The following SRRT variants were observed in gnomAD, a reference collection of about 807,000 sequenced individuals.
SRRT encodes serrate, RNA effector molecule.
Under a neutral mutation model 103.2 loss-of-function variants are expected in SRRT, and 32 were observed. The observed-to-expected ratio is 0.31, with a 90% CI of 0.23 to 0.42. SRRT has a LOEUF of 0.42. Ranked by LOEUF, SRRT falls within the 10% of genes least tolerant of loss-of-function variation. SRRT has a pLI of 1.00. For synonymous variants in SRRT, 525 were observed against 449.0 expected (o/e 1.17, Z -2.14); for missense variants, 986 against 1,207.5 (o/e 0.82, Z 2.72).
In SRRT at chr7:100,888,611, C is replaced by T; in HGVS notation, c.*62C>T. 1.2e-6 allele frequency: 2 copies of T among 1,606,500 alleles called. No homozygotes were observed. Among genetic ancestry groups the T allele is most frequent in the Non-Finnish European group, 1.7e-6 (2 of 1,173,218 alleles). On this transcript the variant is annotated 3_prime_UTR_variant, in exon 20 of 20. Transcript: ENST00000611405. Reference sequence around the variant, plus strand: ...TTGTACTACCTTGTCCTATGAAGCTCTGAGAATTTTTTGTACGATCAGCCT... The same window carrying T: ...TTGTACTACCTTGTCCTATGAAGCTTTGAGAATTTTTTGTACGATCAGCCT...
At chr7:100,877,439 A>G (rs1202115475) in intron 2 of SRRT, among the ~76,000 whole-genome samples, 1 of 143,346 alleles carries the variant, frequency 7.0e-6, no homozygotes, top group African/African-American at 2.5e-5. Flanking sequence ...AAAAAAAAAA[A>G]AAGCCACTTC....
chr7:100,876,805 G>T (rs963776377), intron 2 of SRRT, among the ~76,000 whole-genome samples: 7 of 152,176 alleles, frequency 4.6e-5, no homozygotes, highest in Admixed American at 6.5e-5. Context: ...TAAAGGAGGG[G>T]AGCGGTGCTG....
In SRRT at chr7:100,882,926, T is replaced by G. The variant is rs1464617468; in HGVS notation, c.587+685T>G. 2 of 152,286 alleles carry G rather than the reference T, an allele frequency of 1.3e-5. No individual in the cohort carries two copies. The highest frequency in any genetic ancestry group is 3.9e-4 in the East Asian group (2 of 5,182). 9.4% of individuals were successfully genotyped at this position (152,286 alleles called of 1,614,324 possible). On this transcript the variant is annotated intron_variant, in intron 5 of 19. Coordinates refer to ENST00000611405, the MANE Select transcript of SRRT (RefSeq NM_015908.6). The surrounding 1 kb of genome is among the most constrained non-coding windows in gnomAD (Gnocchi z 4.2). ...GCTGTGCACAATGCAGCGGTTTAGC[T>G]GAATGTGATTGCTCAGGCAGCTAGC...
intron 5 of SRRT, chr7:100,883,070 CTGTT>C (rs1339610086): frequency 6.6e-6 from 1 of 152,318 alleles, no homozygotes; most frequent in African/African-American, 2.4e-5. Flanking sequence ...ATCTTGAGCT[CTGTT>C]TGACCAAGCG....
In SRRT at chr7:100,887,363, G is replaced by C; in HGVS notation, c.2019G>C (p.Leu673Phe). Residue 673 changes from leucine (L) to phenylalanine (F), a missense_variant, in exon 16 of 20, where the codon TTG (leucine) becomes TTC (phenylalanine). Around this residue, in one of 6 missense-constraint regions of SRRT, gnomAD observed 349 missense variants for 446.9 expected, o/e 0.78. Transcript: ENST00000611405. This position sits in a 1 kb window ranked among gnomAD's most constrained non-coding sequence, Gnocchi z 4.1. ...QKTFEEKLTPLLSVRESLSEE... is the reference protein window; with the variant it reads ...QKTFEEKLTPFLSVRESLSEE... ...CTTTTGAGGAGAAGCTCACGCCGTT[G>C]CTGAGTGTGCGGGAGTCACTCTCAG... 6.2e-7 allele frequency: 1 copy of C among 1,614,220 alleles called. No homozygotes were observed. The highest frequency in any genetic ancestry group is 8.5e-7 in the Non-Finnish European group (1 of 1,180,044).
chr7:100,888,511 C>T lies in SRRT; in HGVS notation c.2593C>T (p.Arg865Trp), dbSNP rs775479161. 20 of 1,614,074 alleles carry T rather than the reference C, an allele frequency of 1.2e-5. No homozygotes were observed. Among genetic ancestry groups the T allele is most frequent in the East Asian group, 4.5e-5 (2 of 44,894 alleles). ...AGACCCAAGGGCCATTGTGGAATATCGGGACCTGGATGCCCCAGACGATGT... is the reference window on the plus strand; with the variant it reads ...AGACCCAAGGGCCATTGTGGAATATTGGGACCTGGATGCCCCAGACGATGT... ...RGDPRAIVEY[R>W]DLDAPDDVDF... is the part of the protein sequence containing the mutation. The change falls in exon 20 of 20, where the codon CGG becomes TGG. Residue 865 changes from arginine to tryptophan, a missense_variant. By Grantham distance (101) the Arg-to-Trp change is moderately radical (BLOSUM62 -3). This residue lies in a region of SRRT where 178 missense variants were observed against 189.6 expected (regional missense o/e 0.94). Coordinates refer to ENST00000611405, the MANE Select transcript of SRRT (RefSeq NM_015908.6).
Position 100,888,107 on chromosome 7 carries a change from T to C in SRRT, c.2392T>C (p.Tyr798His), listed in dbSNP as rs1459420481. Reference protein sequence around the residue: ...PHQTPQGLMPYGQPRPPILGY... With the variant: ...PHQTPQGLMPHGQPRPPILGY... Reference sequence around the variant, plus strand: ...CCAGACTCCCCAGGGCCTGATGCCCTATGGTCAGCCCCGGCCCCCGATCTT... The same window carrying C: ...CCAGACTCCCCAGGGCCTGATGCCCCATGGTCAGCCCCGGCCCCCGATCTT... The change falls in exon 18 of 20, where the codon TAT becomes CAT. Residue 798 changes from tyrosine (Y) to histidine (H), a missense_variant. Around this residue, in one of 6 missense-constraint regions of SRRT, gnomAD observed 178 missense variants for 189.6 expected, o/e 0.94. Coordinates refer to ENST00000611405, the MANE Select transcript of SRRT (RefSeq NM_015908.6). 6.2e-7 allele frequency: 1 copy of C among 1,609,838 alleles called. No homozygotes were observed. Among genetic ancestry groups the C allele is most frequent in the Non-Finnish European group, 8.5e-7 (1 of 1,178,136 alleles).
In SRRT at chr7:100,885,009, C is replaced by A. The variant is rs138346691; in HGVS notation, c.1128C>A (p.Ser376Arg). 1.9e-6 allele frequency: 3 copies of A among 1,613,878 alleles called. No individual in the cohort carries two copies. Among genetic ancestry groups the A allele is most frequent in the Non-Finnish European group, 2.5e-6 (3 of 1,179,966 alleles). Reference protein sequence around the residue: ...SVSESESESESGQAEEEKEEA... With the variant: ...SVSESESESERGQAEEEKEEA... The stretch of plus-strand genomic sequence containing the variant: ...CAGAGTCTGAGTCGGAGTCAGAGAG[C>A]GGCCAGGCTGAGGAGGAGAAGGAGG... Residue 376 changes from serine (S) to arginine (R), a missense_variant, in exon 9 of 20, where the codon AGC (serine) becomes AGA (arginine). Ser to Arg is a moderately radical substitution (Grantham distance 110, BLOSUM62 -1). Coordinates refer to ENST00000611405, the MANE Select transcript of SRRT (RefSeq NM_015908.6). This position sits in a 1 kb window ranked among gnomAD's most constrained non-coding sequence, Gnocchi z 4.8.
At chr7:100,880,649 C>T (rs925782258) in intron 2 of SRRT, 1 of 400,128 alleles carries the variant, frequency 2.5e-6, no homozygotes, top group Non-Finnish European at 5.0e-6. Context: ...GGGTGATGGA[C>T]TTCTAGTAGG....
chr7:100,882,514 A>G lies in SRRT; in HGVS notation c.587+273A>G. On this transcript the variant is annotated intron_variant, in intron 5 of 19. Coordinates refer to ENST00000611405, the MANE Select transcript of SRRT (RefSeq NM_015908.6). The surrounding 1 kb of genome is among the most constrained non-coding windows in gnomAD (Gnocchi z 4.2). ...GCCACTTGGCCCCTTGGGGCAGCAG[A>G]CAGACTGCTTCCCACTTGTTGGTGT... The G allele has an allele frequency of 2.8e-6, 1 of 363,326 alleles. No individual in the cohort carries two copies. The highest frequency in any genetic ancestry group is 5.0e-6 in the Non-Finnish European group (1 of 198,572). 22.5% of individuals were successfully genotyped at this position (363,326 alleles called of 1,614,324 possible).
At chr7:100,881,133 G>A (rs1816268043) in intron 2 of SRRT, 152 bp from the exon 3 acceptor site, 15 of 735,484 alleles carry the variant, frequency 2.0e-5, no homozygotes, top group Non-Finnish European at 3.2e-5. Flanking sequence ...TTGTAGGGAT[G>A]GCGGGGGGCG....
rs756497699 is a variant in SRRT at position 100,884,499 on chromosome 7, G to A, written c.889G>A (p.Asp297Asn). 6.2e-7 allele frequency: 1 copy of A among 1,613,504 alleles called. No homozygotes were observed. The highest frequency in any genetic ancestry group is 8.5e-7 in the Non-Finnish European group (1 of 1,179,758). The change falls in exon 7 of 20, where the codon GAC becomes AAC. Residue 297 changes from aspartate (D) to asparagine (N), a missense_variant. Asp to Asn is a conservative substitution (Grantham distance 23, BLOSUM62 1). Around this residue, in one of 6 missense-constraint regions of SRRT, gnomAD observed 166 missense variants for 148.6 expected, o/e 1.12. Coordinates refer to ENST00000611405, the MANE Select transcript of SRRT (RefSeq NM_015908.6). ...AGGACGGGCTGGAGCAGGCCTAGGG[G>A]ACGGGGAGCGCAAAACCAACGACAA... ...EEGRAGAGLG[D>N]GERKTNDKDE...
Position 100,887,036 on chromosome 7 carries a change from A to T in SRRT, c.1822-11A>T. On this transcript the variant is annotated splice_polypyrimidine_tract_variant and intron_variant, in intron 14 of 19. Coordinates refer to ENST00000611405, the MANE Select transcript of SRRT (RefSeq NM_015908.6). The surrounding 1 kb of genome is among the most constrained non-coding windows in gnomAD (Gnocchi z 4.1). ...GGGCAGGAGCTGAACGCTCGCATTC[A>T]CTTCCCTTAGGTCTTGGACAAGCTC... is the stretch of plus-strand genomic sequence containing the variant. 6.2e-7 allele frequency: 1 copy of T among 1,613,526 alleles called. No homozygotes were observed. The highest frequency in any genetic ancestry group is 1.1e-5 in the South Asian group (1 of 91,074).
In SRRT at chr7:100,882,224, G is replaced by A. The variant is rs144725595; in HGVS notation, c.570G>A (p.Ala190=). 1.1e-5 allele frequency: 17 copies of A among 1,614,066 alleles called. No homozygotes were observed. The highest frequency in any genetic ancestry group is 4.0e-5 in the African/African-American group (3 of 75,038). ...RRQQMQDFFL[A]HKDEEWFRSK... is the part of the protein sequence containing the mutation. Reference sequence around the variant, plus strand: ...AACAGATGCAGGATTTCTTCCTGGCGCACAAAGATGAGGAGTGGTGAGTGC... The same window carrying A: ...AACAGATGCAGGATTTCTTCCTGGCACACAAAGATGAGGAGTGGTGAGTGC... Residue 190 remains alanine (A), a synonymous_variant, in exon 5 of 20, where the codon GCG becomes GCA. Coordinates refer to ENST00000611405, the MANE Select transcript of SRRT (RefSeq NM_015908.6). This position sits in a 1 kb window ranked among gnomAD's most constrained non-coding sequence, Gnocchi z 4.2.
In SRRT at chr7:100,888,456, G is replaced by T. The variant is rs1197285958; in HGVS notation, c.2556-18G>T. On this transcript the variant is annotated intron_variant, in intron 19 of 19. Coordinates refer to ENST00000611405, the MANE Select transcript of SRRT (RefSeq NM_015908.6). Reference sequence around the variant, plus strand: ...TTTGGGAGCCCTCAGCTCTCATCCTGTACCTCTCACCTCACAGGATGGTTC... The same window carrying T: ...TTTGGGAGCCCTCAGCTCTCATCCTTTACCTCTCACCTCACAGGATGGTTC... The T allele has an allele frequency of 6.2e-7, 1 of 1,613,966 alleles. No homozygotes were observed. The highest frequency in any genetic ancestry group is 1.7e-5 in the Admixed American group (1 of 60,010).
intron 13 of SRRT, 167 bp downstream of exon 13, chr7:100,886,602 G>C: frequency 1.1e-6 from 1 of 947,350 alleles, no homozygotes; most frequent in Non-Finnish European, 1.6e-6. Flanking sequence ...CAGCAGAACT[G>C]GGGGGATGCT....
rs747858843 is a variant in SRRT at position 100,885,020 on chromosome 7, A to C, written c.1139A>C (p.Glu380Ala). ...SESESESGQA[E>A]EEKEEAEEAL... ...TCGGAGTCAGAGAGCGGCCAGGCTG[A>C]GGAGGAGAAGGAGGAGGCCGGTAGG... The change falls in exon 9 of 20, where the codon GAG becomes GCG. Residue 380 changes from glutamate (E) to alanine (A), a missense_variant. Coordinates refer to ENST00000611405, the MANE Select transcript of SRRT (RefSeq NM_015908.6). The surrounding 1 kb of genome is among the most constrained non-coding windows in gnomAD (Gnocchi z 4.8). The C allele has an allele frequency of 2.5e-6, 4 of 1,613,784 alleles. No individual in the cohort carries two copies. The highest frequency in any genetic ancestry group is 2.5e-6 in the Non-Finnish European group (3 of 1,180,002).
At chr7:100,883,450 C>T (rs1236650942) in intron 5 of SRRT, among the ~76,000 whole-genome samples, 1 of 152,202 alleles carries the variant, frequency 6.6e-6, no homozygotes, top group Non-Finnish European at 1.5e-5. Flanking sequence ...AACCTTCCAG[C>T]CCTCTCCTCT....
Position 100,882,107 on chromosome 7 carries a change from C to T in SRRT, c.453C>T (p.Thr151=). Residue 151 remains threonine (T), a synonymous_variant, in exon 5 of 20, where the codon ACC becomes ACT. Transcript: ENST00000611405. The surrounding 1 kb of genome is among the most constrained non-coding windows in gnomAD (Gnocchi z 4.2). ...GTGTGCCGCCGCCCGTGATGAAGAC[C>T]TTCAAGGAGTTTCTCCTCTCCCTGG... The part of the protein sequence containing the change: ...DLGVPPPVMK[T]FKEFLLSLDD... 1 of 1,614,134 alleles carries T rather than the reference C, an allele frequency of 6.2e-7. No homozygotes were observed. Among genetic ancestry groups the T allele is most frequent in the Non-Finnish European group, 8.5e-7 (1 of 1,180,028 alleles).
Sources: gnomAD v4.1 joint callset for allele counts (sites outside exome capture counted in the v4.1 genomes callset) on GRCh38, gnomAD v4.1.1 for gene constraint, gnomAD v4.1.1 regional missense constraint, Gnocchi (gnomAD v3.1) non-coding constraint, MANE v1.5 for transcripts, NCBI Gene and HGNC (gene_info 2026-07-23, HGNC 2026-07-21) for gene names.